ADCY2: variants seen among roughly 807,000 people sequenced by gnomAD.
ADCY2 encodes adenylate cyclase 2.
ADCY2 carries 31 observed loss-of-function variants against 125.2 expected under a neutral mutation model. The observed-to-expected ratio is 0.25, with a 90% CI of 0.19 to 0.33. The LOEUF is 0.33. Ranked by LOEUF, ADCY2 falls within the 10% of genes least tolerant of loss-of-function variation. ADCY2 has a pLI of 1.00. For synonymous variants in ADCY2, 512 were observed against 548.4 expected (o/e 0.93, Z 0.93); for missense variants, 904 against 1,418.2 (o/e 0.64, Z 5.82).
chr5:7,772,866 T>C, intron 17 of ADCY2, 66 bp from the exon 18 acceptor site: 2 of 1,501,662 alleles, frequency 1.3e-6, no homozygotes, highest in Non-Finnish European at 1.8e-6. Flanking sequence ...GTCCCCTGAT[T>C]GTAATTGTTT....
intron 5 of ADCY2, chr5:7,692,341 G>A (rs964512766): frequency 2.6e-5 from 4 of 152,162 alleles, no homozygotes; most frequent in Non-Finnish European, 5.9e-5. Context: ...AGCATACACA[G>A]ATGTCAGTGT....
chr5:7,662,829 G>A (rs1424138252), intron 4 of ADCY2, among the ~76,000 whole-genome samples: 1 of 152,206 alleles, frequency 6.6e-6, no homozygotes, highest in Admixed American at 6.5e-5. Flanking sequence ...GCACAGAGAA[G>A]TTCTGGGTAC....
chr5:7,729,638 G>A (rs1047518132), intron 14 of ADCY2, among the ~76,000 whole-genome samples: 21 of 150,454 alleles, frequency 1.4e-4, no homozygotes, highest in African/African-American at 5.1e-4. Context: ...TTATTAGAAA[G>A]TAAAGAAATA....
intron 13 of ADCY2, among the ~76,000 whole-genome samples, chr5:7,725,157 A>G (rs562150384): frequency 1.3e-5 from 2 of 152,338 alleles, no homozygotes; most frequent in South Asian, 2.1e-4. Flanking sequence ...ATGTCAAGCT[A>G]TATATGGGTT....
At chr5:7,400,682 G>A (rs764231023) in intron 1 of ADCY2, among the ~76,000 whole-genome samples, 6 of 152,142 alleles carry the variant, frequency 3.9e-5, no homozygotes, top group Non-Finnish European at 2.9e-5. Flanking sequence ...TTTCCCTTGT[G>A]GAAGGGAATA....
rs903242085 is a variant in ADCY2, at chr5:7,766,872, T to C, written c.2214+66T>C. The C allele has an allele frequency of 1.9e-5, 29 of 1,538,732 alleles. No individual in the cohort carries two copies. The African/African-American group carries it at 3.2e-4, about 17-fold the overall frequency. On this transcript the variant is annotated intron_variant, in intron 17 of 24. Transcript: ENST00000338316. The stretch of plus-strand genomic sequence containing the variant: ...GTATGCTCGTAGTCTGTATAACATA[T>C]ATCCTTTAGTCTCAGATCTGTTCTA...
At chr5:7,526,665 C>T (rs1190817327) in intron 3 of ADCY2, among the ~76,000 whole-genome samples, 2 of 152,134 alleles carry the variant, frequency 1.3e-5, no homozygotes, top group Non-Finnish European at 1.5e-5. Flanking sequence ...ACATTTTGAA[C>T]ACAGCAATTA....
At chr5:7,501,619 C>T (rs1743576357) in intron 2 of ADCY2, among the ~76,000 whole-genome samples, 1 of 114,548 alleles carries the variant, frequency 8.7e-6, no homozygotes, top group African/African-American at 3.4e-5. Context: ...TCCTCATATC[C>T]CATCAAAAAA....
intron 2 of ADCY2, among the ~76,000 whole-genome samples, chr5:7,458,077 C>T (rs1274702188): frequency 6.6e-6 from 1 of 152,058 alleles, no homozygotes; most frequent in Non-Finnish European, 1.5e-5. Context: ...TTTTACATGT[C>T]CTCAGGGATA....
At chr5:7,628,243 A>G (rs1175902241) in intron 4 of ADCY2, among the ~76,000 whole-genome samples, 2 of 152,180 alleles carry the variant, frequency 1.3e-5, no homozygotes, top group African/African-American at 4.8e-5. Context: ...CCCGACAGAC[A>G]TGTTTAACTT....
chr5:7,619,044 T>G (rs1363186420), intron 3 of ADCY2, among the ~76,000 whole-genome samples: 2 of 152,194 alleles, frequency 1.3e-5, no homozygotes, highest in African/African-American at 2.4e-5. Flanking sequence ...AATTTGGGTT[T>G]CTGAAATACG....
At position 7,626,199 on chromosome 5, in the gene ADCY2, G is replaced by A. The variant is rs774974667; in HGVS notation, c.603G>A (p.Gly201=). 9.9e-6 allele frequency: 16 copies of A among 1,613,968 alleles called. No homozygotes were observed. The highest frequency in any genetic ancestry group is 1.3e-5 in the African/African-American group (1 of 74,928). ...ILANVIIFIC[G]NLAGAYHKHL... The stretch of plus-strand genomic sequence containing the variant: ...CCAATGTGATCATTTTCATCTGTGG[G>A]AACCTGGCGGGAGCCTACCATAAGC... The change falls in exon 4 of 25, where the codon GGG becomes GGA. Residue 201 remains glycine, a synonymous_variant. Coordinates refer to ENST00000338316, the MANE Select transcript of ADCY2 (RefSeq NM_020546.3).
chr5:7,766,647 A>G, intron 16 of ADCY2, 40 bp from the exon 17 acceptor site: 4 of 1,606,408 alleles, frequency 2.5e-6, no homozygotes, highest in Non-Finnish European at 3.4e-6. Flanking sequence ...TATTTAATCT[A>G]ATTTACATTA....
rs73046382 is a variant in ADCY2, at chr5:7,531,586, A to G, written c.570+10687A>G. On this transcript the variant is annotated intron_variant, in intron 3 of 24. Transcript: ENST00000338316. ...GGAGGTTATGAGGGAGACTGCTTTT[A>G]TGCCTCTCTCCTAGCTTCTGGTGGC... Among the ~76,000 whole-genome samples the G allele has an allele frequency of 3.0e-3, 461 of 152,226 alleles. 4 individuals carry two copies. The highest frequency in any genetic ancestry group is 0.01 in the African/African-American group (434 of 41,530).
At chr5:7,711,873 T>G (rs992250762) in intron 10 of ADCY2, among the ~76,000 whole-genome samples, 2 of 152,238 alleles carry the variant, frequency 1.3e-5, no homozygotes, top group African/African-American at 4.8e-5. Flanking sequence ...GGTGATGCAT[T>G]AAGCCCAAAC....
chr5:7,550,712 C>A (rs1735302357), intron 3 of ADCY2, among the ~76,000 whole-genome samples: 1 of 152,094 alleles, frequency 6.6e-6, no homozygotes, highest in Admixed American at 6.6e-5. Context: ...CTTGGTGGGC[C>A]CTCATCACTT....
intron 3 of ADCY2, among the ~76,000 whole-genome samples, chr5:7,615,283 C>T (rs979182381): frequency 2.0e-5 from 3 of 152,172 alleles, no homozygotes; most frequent in African/African-American, 7.2e-5. Flanking sequence ...TCCTCAGATC[C>T]ATATGTGGTA....
chr5:7,812,334 A>G (rs1744970307), intron 22 of ADCY2, among the ~76,000 whole-genome samples: 1 of 152,204 alleles, frequency 6.6e-6, no homozygotes, highest in Admixed American at 6.5e-5. Context: ...CTCAAAACGG[A>G]AAGAAAATGA....
chr5:7,741,281 A>G (rs1464138737), intron 14 of ADCY2, among the ~76,000 whole-genome samples: 4 of 152,156 alleles, frequency 2.6e-5, no homozygotes, highest in Non-Finnish European at 5.9e-5. Context: ...ATAAATCCAG[A>G]CAACATCACT....
Sources: gnomAD v4.1 joint callset for allele counts (sites outside exome capture counted in the v4.1 genomes callset) on GRCh38, gnomAD v4.1.1 for gene constraint, MANE v1.5 for transcripts, NCBI Gene and HGNC (gene_info 2026-07-23, HGNC 2026-07-21) for gene names.